The following PSMD1 variants were observed in gnomAD, a reference collection of about 807,000 sequenced individuals.
PSMD1 encodes the protein proteasome 26S subunit, non-ATPase 1.
Under a neutral mutation model 119.0 loss-of-function variants are expected in PSMD1, and 18 were observed. The observed-to-expected ratio is 0.15, with a 90% CI of 0.10 to 0.22. The LOEUF is 0.22. Ranked by LOEUF, PSMD1 falls within the 10% of genes least tolerant of loss-of-function variation. PSMD1 has a pLI of 1.00. For missense variants in PSMD1, 702 were observed against 1,158.5 expected, an observed-to-expected ratio of 0.61 and a Z score of 5.72; for synonymous variants, 374 against 396.6, an observed-to-expected ratio of 0.94 and a Z score of 0.68.
At chr2:231,160,254 A>G (rs950593484) in intron 19 of PSMD1, among the ~76,000 whole-genome samples, 7 of 152,184 alleles carry the variant, frequency 4.6e-5, no homozygotes, top group African/African-American at 1.7e-4. Context: ...TCAACCCCTC[A>G]TTTTGCTAAT....
At chr2:231,141,579 G>A (rs1696116987) in intron 17 of PSMD1, among the ~76,000 whole-genome samples, 6 of 151,114 alleles carry the variant, frequency 4.0e-5, no homozygotes, top group Admixed American at 4.0e-4. Flanking sequence ...ACCATGCCAG[G>A]CTAATTTTTT....
intron 16 of PSMD1, among the ~76,000 whole-genome samples, chr2:231,128,354 G>A (rs1695774976): frequency 6.6e-6 from 1 of 152,160 alleles, no homozygotes; most frequent in Non-Finnish European, 1.5e-5. Flanking sequence ...CACTTCAACA[G>A]GACCTACAGT....
At chr2:231,069,038 C>G (rs1331363737) in intron 5 of PSMD1, among the ~76,000 whole-genome samples, 1 of 152,180 alleles carries the variant, frequency 6.6e-6, no homozygotes, top group Non-Finnish European at 1.5e-5. Flanking sequence ...GGTGCTGGAA[C>G]ATAGTCCTCT....
At chr2:231,162,912 A>G (rs1206625988) in intron 20 of PSMD1, among the ~76,000 whole-genome samples, 1 of 151,584 alleles carries the variant, frequency 6.6e-6, no homozygotes, top group Non-Finnish European at 1.5e-5. Context: ...CCTGGCTAAC[A>G]CAGTGAAACC....
chr2:231,138,280 T>G (rs1696019195), intron 16 of PSMD1, among the ~76,000 whole-genome samples: 2 of 152,228 alleles, frequency 1.3e-5, no homozygotes, highest in African/African-American at 4.8e-5. Context: ...TCTTTATCAG[T>G]TTATTATTCA....
intron 7 of PSMD1, among the ~76,000 whole-genome samples, chr2:231,074,677 C>G (rs1694119269): frequency 6.6e-6 from 1 of 151,938 alleles, no homozygotes; most frequent in Non-Finnish European, 1.5e-5. Flanking sequence ...TGAGATTTTA[C>G]TTTGATGCTT....
chr2:231,145,662 G>A (rs35079543), intron 17 of PSMD1, among the ~76,000 whole-genome samples: 1 of 152,050 alleles, frequency 6.6e-6, no homozygotes, highest in African/African-American at 2.4e-5. Context: ...GGGAGGCTGA[G>A]GTGGGTGGAT....
At chr2:231,115,682 A>T (rs1224402640) in intron 16 of PSMD1, among the ~76,000 whole-genome samples, 1 of 152,134 alleles carries the variant, frequency 6.6e-6, no homozygotes. Flanking sequence ...CAGATGAGTA[A>T]ATTCAGGTAT....
intron 16 of PSMD1, among the ~76,000 whole-genome samples, chr2:231,118,173 T>C (rs1346831771): frequency 6.6e-5 from 10 of 151,138 alleles, no homozygotes; most frequent in Admixed American, 6.6e-4. Context: ...ATATGGATGA[T>C]GATTAAATAC....
intron 18 of PSMD1, among the ~76,000 whole-genome samples, chr2:231,150,858 C>T (rs889266191): frequency 6.6e-6 from 1 of 152,042 alleles, no homozygotes; most frequent in Non-Finnish European, 1.5e-5. Flanking sequence ...TTTCCATAAC[C>T]AGGAAGATAG....
chr2:231,090,930 C>T (rs921709751), intron 16 of PSMD1, among the ~76,000 whole-genome samples: 1 of 152,188 alleles, frequency 6.6e-6, no homozygotes, highest in South Asian at 2.1e-4. Flanking sequence ...TTGGAATCTA[C>T]TCCTGAAGAT....
chr2:231,123,866 C>T, intron 16 of PSMD1: 1 of 925,158 alleles, frequency 1.1e-6, no homozygotes, highest in South Asian at 1.3e-5. Context: ...CCATGCCAAA[C>T]ACTCAAAAGC....
At chr2:231,160,904 A>C (rs898176913) in intron 19 of PSMD1, among the ~76,000 whole-genome samples, 3 of 152,320 alleles carry the variant, frequency 2.0e-5, no homozygotes, top group Admixed American at 1.3e-4. Context: ...TCCCTACTGC[A>C]GCACTTACAA....
At chr2:231,078,802 T>C (rs1045633744) in intron 10 of PSMD1, 55 bp downstream of exon 10, 6 of 1,342,174 alleles carry the variant, frequency 4.5e-6, no homozygotes, top group African/African-American at 3.1e-5. Flanking sequence ...TTTTTTTTTT[T>C]TTTTTTTTTT....
At chr2:231,085,702 C>T (rs1444319649) in intron 15 of PSMD1, among the ~76,000 whole-genome samples, 6 of 150,974 alleles carry the variant, frequency 4.0e-5, no homozygotes, top group Non-Finnish European at 8.8e-5. Context: ...AGATGCACTG[C>T]ACAGGAAAGC....
chr2:231,096,489 GT>G (rs1378752885), intron 16 of PSMD1, among the ~76,000 whole-genome samples: 1 of 152,180 alleles, frequency 6.6e-6, no homozygotes, highest in African/African-American at 2.4e-5. Flanking sequence ...TCTGCATGAT[GT>G]TGTTTAAGAT....
At chr2:231,165,392 A>T in intron 22 of PSMD1, 106 bp downstream of exon 22, 1 of 1,287,332 alleles carries the variant, frequency 7.8e-7, no homozygotes, top group Non-Finnish European at 1.0e-6. Flanking sequence ...GGCTTCCTTC[A>T]AACAATTATC....
rs777538023 is a variant in PSMD1 at position 231,087,109 on chromosome 2, C to T, written c.1819-8C>T. ...TAGTATAATATAATCTTAAACTTTT[C>T]CCCCTAGGTAAGTGATGTTAATGAT... On this transcript the variant is annotated splice_region_variant and splice_polypyrimidine_tract_variant and intron_variant, in intron 15 of 24. Coordinates refer to ENST00000308696, the MANE Select transcript of PSMD1 (RefSeq NM_002807.4). 1.9e-6 allele frequency: 3 copies of T among 1,612,626 alleles called. No individual in the cohort carries two copies. The highest frequency in any genetic ancestry group is 2.5e-6 in the Non-Finnish European group (3 of 1,179,018).
chr2:231,165,240 A>G lies in PSMD1; in HGVS notation c.2522A>G (p.Lys841Arg). The change falls in exon 22 of 25, where the codon AAG becomes AGG. Residue 841 changes from lysine to arginine, a missense_variant. Lys to Arg is a conservative substitution (Grantham distance 26). Transcript: ENST00000308696. ...TTATCTATAACTGCCAAGGCTAAAA[A>G]GAAGGAAAAAGAAAAGGAAAAAAAG... Reference protein sequence around the residue: ...AVLSITAKAKKKEKEKEKKEE... With the variant: ...AVLSITAKAKRKEKEKEKKEE... 1.2e-6 allele frequency: 2 copies of G among 1,606,780 alleles called. No individual in the cohort carries two copies. Among genetic ancestry groups the G allele is most frequent in the Admixed American group, 1.7e-5 (1 of 59,670 alleles).
Sources: allele counts gnomAD v4.1 joint callset (sites outside exome capture counted in the v4.1 genomes callset), GRCh38; gene constraint gnomAD v4.1.1; transcripts MANE v1.5; gene names NCBI Gene and HGNC (gene_info 2026-07-23, HGNC 2026-07-21).